The following COX7B2 variants were observed in gnomAD, a reference collection of about 807,000 sequenced individuals.
COX7B2 encodes cytochrome c oxidase subunit 7B2, mitochondrial.
For missense variants in COX7B2, 109 were observed against 95.9 expected, an observed-to-expected ratio of 1.14 and a Z score of -0.57; for synonymous variants, 37 against 32.1, an observed-to-expected ratio of 1.15 and a Z score of -0.51.
chr4:46,882,193 G>A (rs1718791257), intron 1 of COX7B2, among the ~76,000 whole-genome samples: 1 of 152,132 alleles, frequency 6.6e-6, no homozygotes, highest in African/African-American at 2.4e-5. Context: ...TACATTTGCT[G>A]AGGATTGTTT....
intron 2 of COX7B2, among the ~76,000 whole-genome samples, chr4:46,783,205 C>T (rs984168385): frequency 1.3e-5 from 2 of 152,188 alleles, no homozygotes; most frequent in African/African-American, 4.8e-5. Flanking sequence ...CTGTTTAGAA[C>T]ATTCAGTAAA....
At chr4:46,773,954 C>T (rs1263158594) in intron 2 of COX7B2, among the ~76,000 whole-genome samples, 3 of 152,158 alleles carry the variant, frequency 2.0e-5, no homozygotes, top group Middle Eastern at 6.8e-3. Context: ...CTCCTAATTC[C>T]CTTGTTCCAT....
intron 1 of COX7B2, among the ~76,000 whole-genome samples, chr4:46,902,376 A>G (rs1237529225): frequency 1.3e-5 from 2 of 152,250 alleles, no homozygotes; most frequent in Non-Finnish European, 2.9e-5. Flanking sequence ...ACAAAAAGAA[A>G]GAAAGCATTC....
intron 2 of COX7B2, among the ~76,000 whole-genome samples, chr4:46,841,506 T>C (rs1045697227): frequency 1.3e-5 from 2 of 151,908 alleles, no homozygotes; most frequent in African/African-American, 2.4e-5. Context: ...TAATTCGTGT[T>C]TGGGATAATG....
chr4:46,851,383 A>G (rs1214561408), intron 1 of COX7B2, among the ~76,000 whole-genome samples: 2 of 152,250 alleles, frequency 1.3e-5, no homozygotes, highest in East Asian at 3.9e-4. Context: ...AATGAACTCA[A>G]TGAATTTTAA....
intron 1 of COX7B2, chr4:46,876,727 C>A (rs1718365941): frequency 6.6e-6 from 1 of 152,062 alleles, no homozygotes; most frequent in Admixed American, 6.6e-5. Flanking sequence ...CTTAAGAAAG[C>A]TTTTCATTTT....
intron 1 of COX7B2, among the ~76,000 whole-genome samples, chr4:46,845,797 T>G (rs1444345903): frequency 6.6e-6 from 1 of 152,024 alleles, no homozygotes; most frequent in Admixed American, 6.6e-5. Context: ...AACTGAGATA[T>G]TCACCAAGGT....
intron 1 of COX7B2, among the ~76,000 whole-genome samples, chr4:46,860,368 A>T (rs1006503066): frequency 1.3e-5 from 2 of 152,164 alleles, no homozygotes; most frequent in African/African-American, 2.4e-5. Flanking sequence ...CTGATGGGCA[A>T]GGGGCTGACA....
chr4:46,805,737 T>C (rs977909764), intron 2 of COX7B2, among the ~76,000 whole-genome samples: 1 of 152,206 alleles, frequency 6.6e-6, no homozygotes, highest in Non-Finnish European at 1.5e-5. Context: ...TTATGGATTT[T>C]CGTAGATCAA....
intron 2 of COX7B2, among the ~76,000 whole-genome samples, chr4:46,833,853 C>T (rs573045659): frequency 1.3e-5 from 2 of 152,086 alleles, no homozygotes; most frequent in African/African-American, 4.8e-5. Flanking sequence ...GGTGGGTTGA[C>T]AGAAATGTTG....
chr4:46,750,382 G>C (rs981891853), intron 2 of COX7B2, among the ~76,000 whole-genome samples: 3 of 152,066 alleles, frequency 2.0e-5, no homozygotes, highest in Non-Finnish European at 4.4e-5. Context: ...GGGCAAAAGA[G>C]ACTTTGTCTC....
chr4:46,772,857 T>G (rs777461322), intron 2 of COX7B2, among the ~76,000 whole-genome samples: 1 of 152,198 alleles, frequency 6.6e-6, no homozygotes, highest in Non-Finnish European at 1.5e-5. Flanking sequence ...CTATTTCCGT[T>G]AAGTAGACAG....
At chr4:46,818,259 A>G (rs1208327753) in intron 2 of COX7B2, among the ~76,000 whole-genome samples, 1 of 152,230 alleles carries the variant, frequency 6.6e-6, no homozygotes, top group Non-Finnish European at 1.5e-5. Flanking sequence ...GGGAAGGGTC[A>G]GTTTGTCAGT....
At chr4:46,791,879 A>C (rs1718066529) in intron 2 of COX7B2, among the ~76,000 whole-genome samples, 1 of 152,186 alleles carries the variant, frequency 6.6e-6, no homozygotes, top group Non-Finnish European at 1.5e-5. Flanking sequence ...ACTGGTGTTC[A>C]CCCAAGTCTG....
At chr4:46,804,057 T>G (rs1413464934) in intron 2 of COX7B2, among the ~76,000 whole-genome samples, 1 of 152,154 alleles carries the variant, frequency 6.6e-6, no homozygotes, top group African/African-American at 2.4e-5. Flanking sequence ...TTCTTTTTTC[T>G]GGTGGGTTCG....
At chr4:46,836,760 T>C (rs1715542282) in intron 2 of COX7B2, among the ~76,000 whole-genome samples, 1 of 152,098 alleles carries the variant, frequency 6.6e-6, no homozygotes, top group African/African-American at 2.4e-5. Flanking sequence ...TACAGCAGCA[T>C]CACCAGAAAA....
rs181906327 is a variant in COX7B2 at position 46,781,746 on chromosome 4, G to A, written c.-49-46505C>T. On this transcript the variant is annotated intron_variant, in intron 2 of 2. Transcript: ENST00000355591. Reference sequence around the variant, plus strand: ...CAGCCAGCATGAGTTCCGGGTGGGCGCAGGCTCAGCAGGCCCCACCCTTGG... The same window carrying A: ...CAGCCAGCATGAGTTCCGGGTGGGCACAGGCTCAGCAGGCCCCACCCTTGG... Among the ~76,000 whole-genome samples the A allele has an allele frequency of 1.6e-3, 247 of 152,350 alleles. 1 individual carries two copies. The highest frequency in any genetic ancestry group is 5.7e-3 in the African/African-American group (235 of 41,590).
At chr4:46,763,136 T>C (rs1716315914) in intron 2 of COX7B2, among the ~76,000 whole-genome samples, 1 of 94,160 alleles carries the variant, frequency 1.1e-5, no homozygotes, top group Non-Finnish European at 2.1e-5. Flanking sequence ...ATTATAATTG[T>C]ATAATTATAT....
intron 2 of COX7B2, among the ~76,000 whole-genome samples, chr4:46,833,089 G>C (rs1489069434): frequency 2.0e-5 from 3 of 152,080 alleles, no homozygotes; most frequent in Non-Finnish European, 2.9e-5. Flanking sequence ...ATTTTTAGTA[G>C]AGACGGGATT....
Sources: gnomAD v4.1 joint callset for allele counts (sites outside exome capture counted in the v4.1 genomes callset) on GRCh38, gnomAD v4.1.1 for gene constraint, MANE v1.5 for transcripts, NCBI Gene and HGNC (gene_info 2026-07-23, HGNC 2026-07-21) for gene names.